The following INTS4 variants were observed in gnomAD, a reference collection of about 807,000 sequenced individuals.
INTS4 encodes the protein MSTP093.
In INTS4, 70 loss-of-function variants were observed where a neutral mutation model predicts 119.5. The ratio of observed to expected loss-of-function variants is 0.59; its 90% confidence interval spans 0.48 to 0.71. INTS4 has a LOEUF of 0.71. Ranked by LOEUF, INTS4 falls within the 30% of genes least tolerant of loss-of-function variation. INTS4 has a pLI of 0.00. For missense variants in INTS4, 867 were observed against 1,173.2 expected (o/e 0.74, Z 3.81); for synonymous variants, 316 against 419.6 (o/e 0.75, Z 3.02).
At chr11:77,952,445 G>A (rs1215672221) in intron 8 of INTS4, among the ~76,000 whole-genome samples, 1 of 152,162 alleles carries the variant, frequency 6.6e-6, no homozygotes, top group African/African-American at 2.4e-5. Flanking sequence ...GCAAAAGTAT[G>A]CAAATGAGTT....
At chr11:77,921,735 T>C (rs1216740851) in intron 13 of INTS4, among the ~76,000 whole-genome samples, 3 of 152,268 alleles carry the variant, frequency 2.0e-5, no homozygotes, top group East Asian at 3.9e-4. Flanking sequence ...ATATTGCCTA[T>C]CAAAGTACAT....
chr11:77,878,814 G>A lies in INTS4; in HGVS notation c.*135C>T. ...TGAAGAAACAATTTATCCTGTGTTT[G>A]ATACCAGATGAGACTGTAAGGGTCA... On this transcript the variant is annotated 3_prime_UTR_variant, in exon 23 of 23. Coordinates refer to ENST00000534064, the MANE Select transcript of INTS4 (RefSeq NM_033547.4). 1.3e-6 allele frequency: 1 copy of A among 763,174 alleles called. No individual in the cohort carries two copies. Among genetic ancestry groups the A allele is most frequent in the South Asian group, 1.5e-5 (1 of 68,396 alleles). 47.3% of individuals were successfully genotyped at this position (763,174 alleles called of 1,614,324 possible).
chr11:77,963,298 GTCA>G, intron 4 of INTS4: 1 of 343,782 alleles, frequency 2.9e-6, no homozygotes. Context: ...TTGCATCAAG[GTCA>G]TCATCATTAA....
At chr11:77,894,533 T>C (rs1767774273) in intron 18 of INTS4, among the ~76,000 whole-genome samples, 184 bp from the exon 19 acceptor site, 1 of 152,174 alleles carries the variant, frequency 6.6e-6, no homozygotes, top group African/African-American at 2.4e-5. Flanking sequence ...TCCCAAGACC[T>C]GATTAAACCA....
At position 77,910,310 on chromosome 11, in the gene INTS4, G is replaced by A. The variant is rs565329023; in HGVS notation, c.1923-2500C>T. Among the ~76,000 whole-genome samples, 112 of 151,708 alleles carry A rather than the reference G, an allele frequency of 7.4e-4. 1 individual carries two copies. The highest frequency in any genetic ancestry group is 2.5e-3 in the African/African-American group (102 of 41,286). Reference sequence around the variant, plus strand: ...CCTTTGTAGGGACATGGATGAAGCTGGAAACCATCGTTCTCAGCAAACTAT... The same window carrying A: ...CCTTTGTAGGGACATGGATGAAGCTAGAAACCATCGTTCTCAGCAAACTAT... On this transcript the variant is annotated intron_variant, in intron 15 of 22. Coordinates refer to ENST00000534064, the MANE Select transcript of INTS4 (RefSeq NM_033547.4).
chr11:77,961,319 C>CA (rs1440082611), intron 4 of INTS4, among the ~76,000 whole-genome samples, 181 bp from the exon 5 acceptor site: 25 of 151,534 alleles, frequency 1.6e-4, no homozygotes, highest in South Asian at 4.2e-4. Flanking sequence ...CGGGTCTTCT[C>CA]AAAAAAAATG....
intron 4 of INTS4, chr11:77,963,375 C>CAAAA (rs1162893388): frequency 1.1e-5 from 2 of 175,760 alleles, no homozygotes; most frequent in African/African-American, 8.9e-5. Context: ...AAAAAAAAAA[C>CAAAA]AAAAAAAACT....
intron 12 of INTS4, 35 bp from the exon 13 acceptor site, chr11:77,922,506 T>C (rs1483581442): frequency 3.4e-6 from 3 of 895,130 alleles, no homozygotes; most frequent in Admixed American, 5.6e-5. Context: ...CATCAACAAA[T>C]TAGTAAAGTT....
At chr11:77,987,254 TA>T (rs1163741947) in intron 2 of INTS4, 11 of 152,538 alleles carry the variant, frequency 7.2e-5, no homozygotes, top group Non-Finnish European at 8.7e-5. Context: ...AAAGGTTTTT[TA>T]AAAAAAAAAC....
At chr11:77,981,378 A>C (rs563809450) in intron 3 of INTS4, 81 bp downstream of exon 3, 93 of 568,580 alleles carry the variant, frequency 1.6e-4, no homozygotes, top group African/African-American at 1.6e-3. Context: ...CAATCAACAC[A>C]ACAAAATTTT....
chr11:77,938,520 A>G (rs1183915491), intron 10 of INTS4, 131 bp downstream of exon 10: 2 of 977,922 alleles, frequency 2.0e-6, no homozygotes, highest in Non-Finnish European at 1.5e-6. Context: ...TGTAAAATAA[A>G]AAGCATAGTA....
intron 17 of INTS4, 78 bp downstream of exon 17, chr11:77,903,462 G>A: frequency 6.2e-7 from 1 of 1,606,222 alleles, no homozygotes. Context: ...AGAGCTATAG[G>A]AAGGCCTCTG....
chr11:77,896,400 C>T (rs573242185), intron 18 of INTS4, among the ~76,000 whole-genome samples: 72 of 152,182 alleles, frequency 4.7e-4, no homozygotes, highest in African/African-American at 1.7e-3. Flanking sequence ...GCCTGTAATT[C>T]CAACACTTTG....
chr11:77,918,931 T>G lies in INTS4; in HGVS notation c.1812A>C (p.Ile604=), dbSNP rs1236989326. 3 of 1,613,802 alleles carry G rather than the reference T, an allele frequency of 1.9e-6. No individual in the cohort carries two copies. In the African/African-American group the frequency reaches 4.0e-5, roughly 22 times the overall value. The change falls in exon 15 of 23, where the codon ATA becomes ATC. Residue 604 remains isoleucine, a synonymous_variant. Transcript: ENST00000534064. ...ACTGCTGGGAAGGATCCTCTTGAGG[T>G]ATGATGCTGGGAGAAACAGCTGATG... The part of the protein sequence containing the change: ...LVSSAVSPSI[I]PQEDPSQQFL...
At position 77,955,965 on chromosome 11, in the gene INTS4, G is replaced by C; in HGVS notation, c.895C>G (p.Arg299Gly). The C allele has an allele frequency of 6.2e-7, 1 of 1,611,190 alleles. No individual in the cohort carries two copies. Among genetic ancestry groups the C allele is most frequent in the Non-Finnish European group, 8.5e-7 (1 of 1,179,446 alleles). ...ACCAACAGTTTTGCTGCCTGAACAC[G>C]AACCACCCAAGAGCCATCACTGACC... Reference protein sequence around the residue: ...HMVSDGSWVVRVQAAKLLGSM... With the variant: ...HMVSDGSWVVGVQAAKLLGSM... The change falls in exon 8 of 23, where the codon CGT becomes GGT. Residue 299 changes from arginine to glycine, a missense_variant. This residue lies in a region of INTS4 where 208 missense variants were observed against 306.6 expected (regional missense o/e 0.68). Transcript: ENST00000534064.
chr11:77,979,094 G>C lies in INTS4; in HGVS notation c.373C>G (p.Gln125Glu). Residue 125 changes from glutamine (Q) to glutamate (E), a missense_variant, in exon 4 of 23, where the codon CAA (glutamine) becomes GAA (glutamate). Physicochemically the swap from Gln to Glu is conservative, Grantham distance 29. Transcript: ENST00000534064. ...INILQNEKSH[Q>E]VLAQLLDTLL... Reference sequence around the variant, plus strand: ...GTATCCAGCAGTTGAGCTAGGACTTGATGAGACTCTAGAGAGGGAGATAGA... The same window carrying C: ...GTATCCAGCAGTTGAGCTAGGACTTCATGAGACTCTAGAGAGGGAGATAGA... 1 of 1,602,148 alleles carries C rather than the reference G, an allele frequency of 6.2e-7. No individual in the cohort carries two copies.
chr11:77,905,673 C>G (rs1381102301), intron 16 of INTS4, among the ~76,000 whole-genome samples: 1 of 152,222 alleles, frequency 6.6e-6, no homozygotes, highest in Admixed American at 6.5e-5. Flanking sequence ...GATCTCAGCT[C>G]TTTGGGTGAC....
At chr11:77,952,487 T>C (rs949287352) in intron 8 of INTS4, among the ~76,000 whole-genome samples, 1 of 152,208 alleles carries the variant, frequency 6.6e-6, no homozygotes, top group Non-Finnish European at 1.5e-5. Context: ...AAGAAGTGGG[T>C]TAATAGTTAT....
intron 16 of INTS4, among the ~76,000 whole-genome samples, chr11:77,904,282 C>T (rs1952872362): frequency 6.6e-6 from 1 of 152,154 alleles, no homozygotes; most frequent in South Asian, 2.1e-4. Context: ...AAAACCTAGA[C>T]TAACACTGTC....
Sources: gnomAD v4.1 joint callset for allele counts (sites outside exome capture counted in the v4.1 genomes callset) on GRCh38, gnomAD v4.1.1 for gene constraint, gnomAD v4.1.1 regional missense constraint, MANE v1.5 for transcripts, NCBI Gene and HGNC (gene_info 2026-07-23, HGNC 2026-07-21) for gene names.